Variants in SLC38A10 observed in about 807,000 individuals in gnomAD.
SLC38A10 encodes solute carrier family 38 member 10.
In SLC38A10, 53 loss-of-function variants were observed where a neutral mutation model predicts 81.0. That is an observed-to-expected ratio of 0.65 (90% CI 0.53 to 0.82). The LOEUF (loss-of-function observed/expected upper bound fraction) is 0.82, where lower values mean the gene tolerates loss of function less well. Ranked by LOEUF, SLC38A10 falls within the 40% of genes least tolerant of loss-of-function variation. SLC38A10 has a pLI of 0.00. For missense variants in SLC38A10, 1,471 were observed against 1,545.0 expected (o/e 0.95, Z 0.80); for synonymous variants, 665 against 655.3 (o/e 1.01, Z -0.23).
Position 81,286,474 on chromosome 17 carries a change from G to A in SLC38A10, c.218-1579C>T, listed in dbSNP as rs191589377. Among the ~76,000 whole-genome samples, 121 of 152,174 alleles carry A rather than the reference G, an allele frequency of 8.0e-4. No individual in the cohort carries two copies. Among genetic ancestry groups the A allele is most frequent in the African/African-American group, 2.7e-3 (113 of 41,510 alleles). On this transcript the variant is annotated intron_variant, in intron 2 of 15. Coordinates refer to ENST00000374759, the MANE Select transcript of SLC38A10 (RefSeq NM_001037984.3). The surrounding 1 kb of genome is among the most constrained non-coding windows in gnomAD (Gnocchi z 6.0). Reference sequence around the variant, plus strand: ...CCGCCATTCCCAGTGTCAATCCCTCGGCAACTTCTCCTCCCCAGGTTCAAA... The same window carrying A: ...CCGCCATTCCCAGTGTCAATCCCTCAGCAACTTCTCCTCCCCAGGTTCAAA...
rs1218849694 is a variant in SLC38A10 at position 81,246,009 on chromosome 17, C to G, written c.2907G>C (p.Gln969His). 5 of 1,608,644 alleles carry G rather than the reference C, an allele frequency of 3.1e-6. No individual in the cohort carries two copies. The African/African-American group carries it at 4.0e-5, about 13-fold the overall frequency. ...CCAGCCGGTGGCCCTGCTGTCCACC[C>G]TGCTCGCCATCAGAGATGACCCGCA... Reference protein sequence around the residue: ...PELRVISDGEQGGQQGHRLDH... With the variant: ...PELRVISDGEHGGQQGHRLDH... The change falls in exon 16 of 16, where the codon CAG becomes CAC. Residue 969 changes from glutamine (Q) to histidine (H), a missense_variant. By Grantham distance (24) the Gln-to-His change is conservative. Transcript: ENST00000374759.
At chr17:81,294,606 G>A (rs1242151217) in intron 1 of SLC38A10, among the ~76,000 whole-genome samples, 2 of 152,198 alleles carry the variant, frequency 1.3e-5, no homozygotes, top group Non-Finnish European at 2.9e-5. Context: ...TTTCCGGCCC[G>A]GGCTGACAAG....
intron 14 of SLC38A10, chr17:81,249,967 T>C: frequency 1.8e-6 from 2 of 1,085,262 alleles, no homozygotes; most frequent in Non-Finnish European, 2.4e-6. Flanking sequence ...CGTGTCCCCA[T>C]GCAGGGCTGT....
rs1186984849 is a variant in SLC38A10, at chr17:81,246,019, T to A, written c.2897A>T (p.Asp966Val). ...LRQPELRVIS[D>V]GEQGGQQGHR... is the part of the protein sequence containing the mutation. Reference sequence around the variant, plus strand: ...GCCCTGCTGTCCACCCTGCTCGCCATCAGAGATGACCCGCAGTTCCGGCTG... The same window carrying A: ...GCCCTGCTGTCCACCCTGCTCGCCAACAGAGATGACCCGCAGTTCCGGCTG... Residue 966 changes from aspartate to valine, a missense_variant, in exon 16 of 16, where the codon GAT (aspartate) becomes GTT (valine). Asp to Val is a radical substitution (Grantham distance 152). Coordinates refer to ENST00000374759, the MANE Select transcript of SLC38A10 (RefSeq NM_001037984.3). 1 of 1,610,344 alleles carries A rather than the reference T, an allele frequency of 6.2e-7. No individual in the cohort carries two copies. The highest frequency in any genetic ancestry group is 1.7e-5 in the Admixed American group (1 of 59,884).
rs1022773157 is a variant in SLC38A10, at chr17:81,281,152, G to A, written c.502-419C>T. On this transcript the variant is annotated intron_variant, in intron 5 of 15. Coordinates refer to ENST00000374759, the MANE Select transcript of SLC38A10 (RefSeq NM_001037984.3). This position sits in a 1 kb window ranked among gnomAD's most constrained non-coding sequence, Gnocchi z 5.3. The stretch of plus-strand genomic sequence containing the variant: ...TTCCAAAAGACTGGCCCACCAGGAC[G>A]CGGCTGTCTCAAGAGTAAAGAGGTA... 7.2e-5 allele frequency among the ~76,000 whole-genome samples: 11 copies of A among 152,212 alleles called. No individual in the cohort carries two copies. The highest frequency in any genetic ancestry group is 2.4e-4 in the African/African-American group (10 of 41,436).
rs1010638604 is a variant in SLC38A10 at position 81,270,634 on chromosome 17, G to A, written c.1131+284C>T. 1.2e-4 allele frequency among the ~76,000 whole-genome samples: 18 copies of A among 152,142 alleles called. No homozygotes were observed. Among genetic ancestry groups the A allele is most frequent in the Middle Eastern group, 3.2e-3 (1 of 316 alleles). On this transcript the variant is annotated intron_variant, in intron 10 of 15. Transcript: ENST00000374759. This position sits in a 1 kb window ranked among gnomAD's most constrained non-coding sequence, Gnocchi z 4.0. ...GCAGGTCCATGGGCAATCAGGCATCGCAGAAACACCATGGGGAAAGCGCTT... is the reference window on the plus strand; with the variant it reads ...GCAGGTCCATGGGCAATCAGGCATCACAGAAACACCATGGGGAAAGCGCTT...
At chr17:81,280,774 C>G (rs377413775) in intron 5 of SLC38A10, 41 bp from the exon 6 acceptor site, 22 of 1,576,682 alleles carry the variant, frequency 1.4e-5, no homozygotes, top group Non-Finnish European at 1.7e-5. Context: ...CAGGTCAGGA[C>G]GCAGGCGGGA....
chr17:81,293,245 G>A (rs2063323883), intron 1 of SLC38A10, among the ~76,000 whole-genome samples: 1 of 152,240 alleles, frequency 6.6e-6, no homozygotes. Flanking sequence ...TCTGCTGCCA[G>A]GCAAGTCACA....
intron 15 of SLC38A10, 35 bp from the exon 16 acceptor site, chr17:81,246,708 C>T: frequency 6.6e-7 from 1 of 1,506,102 alleles, no homozygotes; most frequent in Non-Finnish European, 8.9e-7. Context: ...TTAGCCACAG[C>T]ACTGTACACA....
rs762571525 is a variant in SLC38A10 at position 81,252,239 on chromosome 17, T to C, written c.1901A>G (p.Asn634Ser). ...GGGCTGCCCTGTGTCCCCGGCGGCG[T>C]TGCCTGGCGGCGGTCCCCCCTTGGC... is the stretch of plus-strand genomic sequence containing the variant. ...EKAKGGPPPG[N>S]AAGDTGQPAE... is the part of the protein sequence containing the mutation. Residue 634 changes from asparagine (N) to serine (S), a missense_variant, in exon 13 of 16, where the codon AAC (asparagine) becomes AGC (serine). Coordinates refer to ENST00000374759, the MANE Select transcript of SLC38A10 (RefSeq NM_001037984.3). The C allele has an allele frequency of 1.3e-6, 2 of 1,549,482 alleles. No individual in the cohort carries two copies. The highest frequency in any genetic ancestry group is 1.2e-5 in the South Asian group (1 of 82,582).
chr17:81,250,417 C>T (rs931586973), intron 14 of SLC38A10, among the ~76,000 whole-genome samples: 4 of 152,256 alleles, frequency 2.6e-5, no homozygotes, highest in Non-Finnish European at 4.4e-5. Flanking sequence ...TCCCTCGGAC[C>T]GGCTGTCCTG....
At chr17:81,249,310 A>AGG in intron 14 of SLC38A10, among the ~76,000 whole-genome samples, 1 of 16,112 alleles carries the variant, frequency 6.2e-5, no homozygotes, top group African/African-American at 5.7e-4. Flanking sequence ...GAAGAGGAGG[A>AGG]AGGAGGGAAG....
intron 10 of SLC38A10, among the ~76,000 whole-genome samples, chr17:81,266,975 G>T (rs1017267097): frequency 6.6e-6 from 1 of 152,218 alleles, no homozygotes; most frequent in African/African-American, 2.4e-5. Context: ...ATTATTAACA[G>T]CCAAGAGGCG....
At chr17:81,275,517 AG>A (rs1340301966) in intron 8 of SLC38A10, among the ~76,000 whole-genome samples, 2 of 151,706 alleles carry the variant, frequency 1.3e-5, no homozygotes, top group African/African-American at 4.9e-5. Flanking sequence ...GCGGATCACG[AG>A]GTCAGGAGAT....
chr17:81,294,996 C>T lies in SLC38A10; in HGVS notation c.-75G>A. 1.1e-5 allele frequency: 17 copies of T among 1,478,836 alleles called. 2 individuals are homozygous for T. The South Asian group carries it at 2.1e-4, about 18-fold the overall frequency. 91.6% of individuals were successfully genotyped at this position (1,478,836 alleles called of 1,614,324 possible). A position where few individuals can be genotyped will look rare whatever the true frequency, so the allele number is the denominator to read the frequency against. On this transcript the variant is annotated 5_prime_UTR_variant, in exon 1 of 16. Coordinates refer to ENST00000374759, the MANE Select transcript of SLC38A10 (RefSeq NM_001037984.3). ...TGCGGCCGGCTTTGGAAGCCCAGCCCGAGGCCACGGTCACAGGTCCCAACG... is the reference window on the plus strand; with the variant it reads ...TGCGGCCGGCTTTGGAAGCCCAGCCTGAGGCCACGGTCACAGGTCCCAACG...
chr17:81,280,189 G>A (rs1182478435), intron 6 of SLC38A10: 6 of 450,722 alleles, frequency 1.3e-5, no homozygotes, highest in African/African-American at 4.0e-5. Context: ...GCAGGCTCGC[G>A]CGCACATGCA....
chr17:81,262,872 A>T (rs990728638), intron 10 of SLC38A10: 3 of 152,256 alleles, frequency 2.0e-5, no homozygotes, highest in Non-Finnish European at 2.9e-5. Context: ...GGCCAAAGAA[A>T]CATCTCCATG....
At chr17:81,254,039 C>T (rs1228177316) in intron 11 of SLC38A10, among the ~76,000 whole-genome samples, 6 of 152,194 alleles carry the variant, frequency 3.9e-5, no homozygotes, top group Non-Finnish European at 7.3e-5. Context: ...TCACCTCCAC[C>T]GTCACTGCCA....
intron 1 of SLC38A10, among the ~76,000 whole-genome samples, chr17:81,291,453 C>A (rs1479371367): frequency 6.7e-6 from 1 of 150,044 alleles, no homozygotes; most frequent in Admixed American, 6.6e-5. Flanking sequence ...AACCATTGCA[C>A]CCCAGCCTGG....
Sources: gnomAD v4.1 joint callset for allele counts (sites outside exome capture counted in the v4.1 genomes callset) on GRCh38, gnomAD v4.1.1 for gene constraint, Gnocchi (gnomAD v3.1) non-coding constraint, MANE v1.5 for transcripts, NCBI Gene and HGNC (gene_info 2026-07-23, HGNC 2026-07-21) for gene names.